ROBO2: variants seen among roughly 807,000 people sequenced by gnomAD.
ROBO2 encodes roundabout guidance receptor 2, also known as roundabout homolog 2.
In ROBO2, 53 loss-of-function variants were observed where a neutral mutation model predicts 160.8. That is an observed-to-expected ratio of 0.33 (90% CI 0.26 to 0.41). The LOEUF is 0.41. ROBO2 is among the 10% of genes least tolerant of loss of function. The pLI, the probability that ROBO2 is intolerant of heterozygous loss-of-function variation, is 1.00. For missense variants in ROBO2, 1,577 were observed against 1,722.4 expected (o/e 0.92, Z 1.49); for synonymous variants, 664 against 611.7 (o/e 1.09, Z -1.26).
chr3:76,553,408 C>T (rs1028006259), intron 2 of ROBO2, among the ~76,000 whole-genome samples: 2 of 152,060 alleles, frequency 1.3e-5, no homozygotes, highest in African/African-American at 4.8e-5. Context: ...TTAAACAAAT[C>T]AGTAGTTTTA....
chr3:76,157,495 T>A (rs1484075601), intron 2 of ROBO2, among the ~76,000 whole-genome samples: 1 of 152,206 alleles, frequency 6.6e-6, no homozygotes, highest in Non-Finnish European at 1.5e-5. Flanking sequence ...CAATTCTCAT[T>A]TCAAATAACA....
chr3:76,054,352 C>T (rs80351447), intron 2 of ROBO2, among the ~76,000 whole-genome samples: 3,891 of 152,238 alleles, frequency 0.026, 186 homozygotes, highest in African/African-American at 0.088. Flanking sequence ...AATCTACTTA[C>T]TGACATGTCA....
intron 2 of ROBO2, among the ~76,000 whole-genome samples, chr3:76,511,243 T>C (rs1312348190): frequency 1.3e-5 from 2 of 152,220 alleles, no homozygotes; most frequent in African/African-American, 4.8e-5. Context: ...TGCTGTGATA[T>C]GCAAAATTTT....
At chr3:77,145,644 AT>A (rs556543378) in intron 2 of ROBO2, among the ~76,000 whole-genome samples, 2 of 151,798 alleles carry the variant, frequency 1.3e-5, no homozygotes, top group Admixed American at 1.3e-4. Flanking sequence ...GTTTATCATC[AT>A]TTTTTTTGCC....
At chr3:77,081,008 G>T (rs1375918609) in intron 1 of ROBO2, among the ~76,000 whole-genome samples, 2 of 152,054 alleles carry the variant, frequency 1.3e-5, no homozygotes, top group Non-Finnish European at 2.9e-5. Flanking sequence ...TCCTTGAGGG[G>T]AAAGATGAGA....
intron 1 of ROBO2, among the ~76,000 whole-genome samples, chr3:77,088,333 T>A (rs989377753): frequency 1.3e-5 from 2 of 152,188 alleles, no homozygotes; most frequent in African/African-American, 4.8e-5. Flanking sequence ...ATTTTAAAGA[T>A]CTTTGCTGAA....
chr3:76,226,660 G>A (rs1286218733), intron 2 of ROBO2, among the ~76,000 whole-genome samples: 1 of 152,002 alleles, frequency 6.6e-6, no homozygotes, highest in East Asian at 1.9e-4. Flanking sequence ...TCCCTTTAGT[G>A]ATGTATAAAA....
intron 2 of ROBO2, among the ~76,000 whole-genome samples, chr3:77,171,144 C>T (rs1407188576): frequency 6.6e-6 from 1 of 152,166 alleles, no homozygotes; most frequent in Non-Finnish European, 1.5e-5. Flanking sequence ...CTCCTCGTCA[C>T]TGACAGACAG....
intron 2 of ROBO2, among the ~76,000 whole-genome samples, chr3:76,343,834 T>G (rs903642176): frequency 2.0e-5 from 3 of 152,010 alleles, no homozygotes; most frequent in Non-Finnish European, 4.4e-5. Context: ...CCAAAGATAT[T>G]TGGTGAGGAT....
chr3:77,530,009 T>G (rs1018101405), intron 6 of ROBO2, among the ~76,000 whole-genome samples: 2 of 151,920 alleles, frequency 1.3e-5, no homozygotes, highest in South Asian at 2.1e-4. Context: ...TCAAAAAGTA[T>G]AAGCCAAGTA....
chr3:76,112,387 A>AT (rs936992328), intron 2 of ROBO2, among the ~76,000 whole-genome samples: 9 of 151,858 alleles, frequency 5.9e-5, no homozygotes, highest in Non-Finnish European at 1.2e-4. Flanking sequence ...ACCTAGTCAT[A>AT]TTTTTTCTAC....
In ROBO2 at chr3:77,047,721, A is replaced by T. The variant is rs531932141; in HGVS notation, c.61+6875A>T. ...ATATAATGATATATATAAATAAATAAATATATATATAAAATAAAGATGTAT... is the reference window on the plus strand; with the variant it reads ...ATATAATGATATATATAAATAAATATATATATATATAAAATAAAGATGTAT... On this transcript the variant is annotated intron_variant, in intron 1 of 25. Coordinates refer to ENST00000461745, the Ensembl canonical transcript of ROBO2. Among the ~76,000 whole-genome samples, 19 of 145,778 alleles carry T rather than the reference A, an allele frequency of 1.3e-4. No homozygotes were observed. The East Asian group carries it at 2.4e-3, about 19-fold the overall frequency.
At chr3:76,195,654 C>G (rs191109424) in intron 2 of ROBO2, among the ~76,000 whole-genome samples, 3 of 152,288 alleles carry the variant, frequency 2.0e-5, no homozygotes, top group Non-Finnish European at 2.9e-5. Context: ...TTAGTAGATA[C>G]ACACATGAAA....
chr3:76,897,702 G>A (rs951122807), intron 2 of ROBO2, among the ~76,000 whole-genome samples: 5 of 143,538 alleles, frequency 3.5e-5, no homozygotes, highest in African/African-American at 1.1e-4. Context: ...CCAGGATAGA[G>A]TGGCCCTCAC....
chr3:76,257,287 C>T (rs898013499), intron 2 of ROBO2, among the ~76,000 whole-genome samples: 7 of 148,200 alleles, frequency 4.7e-5, no homozygotes, highest in African/African-American at 1.8e-4. Flanking sequence ...TGTGTGCACA[C>T]ACGTGCATAT....
chr3:77,516,595 A>C (rs560007204), intron 5 of ROBO2, among the ~76,000 whole-genome samples: 4 of 151,608 alleles, frequency 2.6e-5, no homozygotes, highest in African/African-American at 4.8e-5. Flanking sequence ...TCATGTTACT[A>C]ATTTACAGAG....
Position 77,447,657 on chromosome 3 carries a change from C to T in ROBO2, c.389-29757C>T, listed in dbSNP as rs191009354. 1.9e-3 allele frequency among the ~76,000 whole-genome samples: 283 copies of T among 152,140 alleles called. 1 individual carries two copies. The highest frequency in any genetic ancestry group is 3.7e-3 in the Admixed American group (56 of 15,262). ...TATATAAGTTCTGCAGGAGCATCAGCGATAGTATCCTTTTGAACTAATTAG... is the reference window on the plus strand; with the variant it reads ...TATATAAGTTCTGCAGGAGCATCAGTGATAGTATCCTTTTGAACTAATTAG... On this transcript the variant is annotated intron_variant, in intron 2 of 25. Transcript: ENST00000461745.
chr3:75,949,796 C>G (rs1348714207), intron 2 of ROBO2, among the ~76,000 whole-genome samples: 1 of 151,784 alleles, frequency 6.6e-6, no homozygotes, highest in Non-Finnish European at 1.5e-5. Context: ...CACAGATGAC[C>G]CTTCTGAAAG....
At chr3:77,349,492 A>G (rs1254415279) in intron 2 of ROBO2, among the ~76,000 whole-genome samples, 1 of 152,186 alleles carries the variant, frequency 6.6e-6, no homozygotes, top group Non-Finnish European at 1.5e-5. Context: ...ACACTATGAA[A>G]TCGACGTGTA....
Sources: gnomAD v4.1 joint callset for allele counts (sites outside exome capture counted in the v4.1 genomes callset) on GRCh38, gnomAD v4.1.1 for gene constraint, MANE v1.5 for transcripts, NCBI Gene and HGNC (gene_info 2026-07-23, HGNC 2026-07-21) for gene names.